ARHGEF12: variants seen among roughly 807,000 people sequenced by gnomAD.
ARHGEF12 encodes the protein KMT2A/ARHGEF12 fusion protein.
Under a neutral mutation model 211.2 loss-of-function variants are expected in ARHGEF12, and 66 were observed. The ratio of observed to expected loss-of-function variants is 0.31; its 90% CI spans 0.26 to 0.38. The LOEUF (loss-of-function observed/expected upper bound fraction) is 0.38. Ranked by LOEUF, ARHGEF12 falls within the 10% of genes least tolerant of loss-of-function variation. The probability of loss-of-function intolerance (pLI) is 1.00; values close to 1 mark genes in which losing one functional copy is unlikely to be tolerated. For synonymous variants in ARHGEF12, 592 were observed against 638.4 expected (o/e 0.93, Z 1.09); for missense variants, 1,429 against 1,869.5 (o/e 0.76, Z 4.34).
Position 120,486,441 on chromosome 11 carries a change from C to T in ARHGEF12, c.*1364C>T. 4.3e-6 allele frequency: 1 copy of T among 231,692 alleles called. No individual in the cohort carries two copies. 14.4% of individuals were successfully genotyped at this position (231,692 alleles called of 1,614,324 possible). A position where few individuals can be genotyped will look rare whatever the true frequency, so the allele number is the denominator to read the frequency against. ...ACTGCAGGCAAGGTGTTGGTAACTG[C>T]CTGCTCTAGGATGAATAGTAGCGTT... On this transcript the variant is annotated 3_prime_UTR_variant, in exon 41 of 41. Coordinates refer to ENST00000397843, the MANE Select transcript of ARHGEF12 (RefSeq NM_015313.3).
At chr11:120,406,857 C>G (rs1239732761) in intron 2 of ARHGEF12, among the ~76,000 whole-genome samples, 1 of 152,168 alleles carries the variant, frequency 6.6e-6, no homozygotes, top group African/African-American at 2.4e-5. Flanking sequence ...TGCACCCAGC[C>G]TAGTCTTAAT....
chr11:120,412,597 C>G (rs146079652), intron 4 of ARHGEF12, among the ~76,000 whole-genome samples: 1 of 152,114 alleles, frequency 6.6e-6, no homozygotes, highest in Non-Finnish European at 1.5e-5. Context: ...TATTTTGTCT[C>G]TCTTTATTTG....
At chr11:120,393,091 A>G (rs1166886464) in intron 1 of ARHGEF12, among the ~76,000 whole-genome samples, 1 of 152,234 alleles carries the variant, frequency 6.6e-6, no homozygotes, top group African/African-American at 2.4e-5. Flanking sequence ...GAGTGAATTC[A>G]TGTAGTAAAA....
intron 39 of ARHGEF12, among the ~76,000 whole-genome samples, chr11:120,483,258 C>CTTTTT (rs777120176): frequency 1.9e-4 from 19 of 97,494 alleles, no homozygotes; most frequent in Non-Finnish European, 2.1e-4. Flanking sequence ...CCATAATAAT[C>CTTTTT]TTTTTTTTTT....
In ARHGEF12 at chr11:120,477,481, A is replaced by G; in HGVS notation, c.3487A>G (p.Lys1163Glu). 1 of 1,612,378 alleles carries G rather than the reference A, an allele frequency of 6.2e-7. No individual in the cohort carries two copies. Among genetic ancestry groups the G allele is most frequent in the East Asian group, 2.2e-5 (1 of 44,878 alleles). Residue 1163 changes from lysine (K) to glutamate (E), a missense_variant, in exon 36 of 41, where the codon AAA (lysine) becomes GAA (glutamate). Lys to Glu is a moderately conservative substitution (Grantham distance 56). Around this residue, in one of 7 missense-constraint regions of ARHGEF12, gnomAD observed 467 missense variants for 468.4 expected, o/e 1.00. Transcript: ENST00000397843. ...DNDEEDPSKL[K>E]EEQHGISVTG... is the part of the protein sequence containing the mutation. ...TGATGAAGAAGATCCTTCAAAATTA[A>G]AAGAGGAGCAGCATGGCATTTCAGT...
At chr11:120,480,486 C>G (rs560157446) in intron 38 of ARHGEF12, 56 bp downstream of exon 38, 21 of 1,506,788 alleles carry the variant, frequency 1.4e-5, no homozygotes, top group Non-Finnish European at 2.7e-6. Flanking sequence ...GTTAACTGTC[C>G]TGTATTTTGA....
chr11:120,407,932 A>G, intron 3 of ARHGEF12, 109 bp downstream of exon 3: 1 of 884,676 alleles, frequency 1.1e-6, no homozygotes, highest in Non-Finnish European at 1.7e-6. Context: ...CTGTTTTAGG[A>G]CTCTCACATT....
At chr11:120,338,070 T>G (rs971082337) in intron 1 of ARHGEF12, among the ~76,000 whole-genome samples, 2 of 152,242 alleles carry the variant, frequency 1.3e-5, no homozygotes, top group African/African-American at 4.8e-5. Flanking sequence ...GTGGTTGAAG[T>G]GCAGTTTGCT....
In ARHGEF12 at chr11:120,485,917, C is replaced by T. The variant is rs1405651899; in HGVS notation, c.*840C>T. The T allele has an allele frequency of 4.3e-6, 1 of 233,374 alleles. No individual in the cohort carries two copies. The highest frequency in any genetic ancestry group is 5.6e-5 in the Admixed American group (1 of 17,770). 14.5% of individuals were successfully genotyped at this position (233,374 alleles called of 1,614,324 possible). A position where few individuals can be genotyped will look rare whatever the true frequency, so the allele number is the denominator to read the frequency against. On this transcript the variant is annotated 3_prime_UTR_variant, in exon 41 of 41. Coordinates refer to ENST00000397843, the MANE Select transcript of ARHGEF12 (RefSeq NM_015313.3). ...TTGGGATTTGGGTGGGAGAGGAAAG[C>T]AAATTTTATTTTCTTGACTATAAAT...
chr11:120,456,705 T>C (rs1311943941), intron 22 of ARHGEF12, among the ~76,000 whole-genome samples: 1 of 152,174 alleles, frequency 6.6e-6, no homozygotes, highest in East Asian at 1.9e-4. Context: ...TTAAAAATTA[T>C]TTTTCTGACC....
At position 120,449,144 on chromosome 11, in the gene ARHGEF12, A is replaced by G. The variant is rs768450893; in HGVS notation, c.1773A>G (p.Lys591=). Residue 591 remains lysine, a synonymous_variant, in exon 21 of 41, where the codon AAA becomes AAG. Coordinates refer to ENST00000397843, the MANE Select transcript of ARHGEF12 (RefSeq NM_015313.3). The part of the protein sequence containing the change: ...SMKKDKEGEE[K]GKRRGFPSIL... ...AGAAAGATAAAGAAGGGGAAGAAAA[A>G]GGGAAGCGAAGAGGATTCCCCAGCA... The G allele has an allele frequency of 8.6e-5, 138 of 1,613,986 alleles. No homozygotes were observed. The highest frequency in any genetic ancestry group is 1.1e-4 in the Non-Finnish European group (135 of 1,179,976).
In ARHGEF12 at chr11:120,428,158, A is replaced by G. The variant is rs376159779; in HGVS notation, c.496A>G (p.Ile166Val). Residue 166 changes from isoleucine to valine, a missense_variant, in exon 8 of 41, where the codon ATT becomes GTT. Ile to Val is a conservative substitution (Grantham distance 29, BLOSUM62 3). Transcript: ENST00000397843. ...LADSEVEPSV[I>V]GHMSPIMTSP... is the part of the protein sequence containing the mutation. ...CGACTCTGAAGTAGAGCCGTCAGTC[A>G]TTGGACATATGTCTCCCATCATGAC... The G allele has an allele frequency of 1.3e-4, 207 of 1,611,750 alleles. 1 individual carries two copies. The highest frequency in any genetic ancestry group is 1.6e-4 in the Non-Finnish European group (194 of 1,179,150).
At chr11:120,441,177 G>C (rs181790719) in intron 13 of ARHGEF12, among the ~76,000 whole-genome samples, 1 of 152,134 alleles carries the variant, frequency 6.6e-6, no homozygotes, top group East Asian at 1.9e-4. Flanking sequence ...TTGATAGTTG[G>C]GGGTAATGCT....
chr11:120,479,396 A>G (rs1178970560), intron 37 of ARHGEF12, among the ~76,000 whole-genome samples: 1 of 152,244 alleles, frequency 6.6e-6, no homozygotes. Context: ...TTGGAATAAC[A>G]TTGTCCCAAT....
intron 40 of ARHGEF12, 111 bp downstream of exon 40, chr11:120,484,618 T>C: frequency 1.0e-6 from 1 of 956,028 alleles, no homozygotes; most frequent in Non-Finnish European, 1.6e-6. Context: ...CTCTTCTGTC[T>C]TTAAAGAACT....
intron 20 of ARHGEF12, 117 bp downstream of exon 20, chr11:120,448,465 A>G (rs1946109565): frequency 5.6e-6 from 4 of 715,458 alleles, no homozygotes; most frequent in Non-Finnish European, 7.0e-6. Context: ...TAGTCATACA[A>G]ACATTTATAA....
intron 39 of ARHGEF12, among the ~76,000 whole-genome samples, chr11:120,482,713 C>T (rs987731311): frequency 8.6e-5 from 13 of 151,204 alleles, no homozygotes; most frequent in African/African-American, 3.2e-4. Context: ...CCACTGCACT[C>T]CAACCTGGGT....
chr11:120,378,766 A>G (rs192746536), intron 1 of ARHGEF12, among the ~76,000 whole-genome samples: 197 of 152,306 alleles, frequency 1.3e-3, no homozygotes, highest in African/African-American at 4.6e-3. Context: ...TCTGTGTTAA[A>G]AACTTAATAG....
intron 4 of ARHGEF12, among the ~76,000 whole-genome samples, chr11:120,414,107 T>TA (rs1210556587): frequency 4.6e-5 from 7 of 152,142 alleles, no homozygotes; most frequent in African/African-American, 1.7e-4. Context: ...ACAGAAAAAA[T>TA]ATGTCTTTTG....
Sources: gnomAD v4.1 joint callset for allele counts (sites outside exome capture counted in the v4.1 genomes callset) on GRCh38, gnomAD v4.1.1 for gene constraint, gnomAD v4.1.1 regional missense constraint, MANE v1.5 for transcripts, NCBI Gene and HGNC (gene_info 2026-07-23, HGNC 2026-07-21) for gene names.